Variants in PRMT3 observed in about 807,000 individuals in gnomAD.
The protein encoded by PRMT3 is protein arginine N-methyltransferase 3.
In PRMT3, 62 loss-of-function variants were observed where a neutral mutation model predicts 71.9. The ratio of observed to expected loss-of-function variants is 0.86; its 90% CI spans 0.70 to 1.07. The LOEUF (loss-of-function observed/expected upper bound fraction) is 1.07, where lower values mean the gene tolerates loss of function less well. Ranked by LOEUF, PRMT3 falls within the 50% of genes least tolerant of loss-of-function variation. The pLI, the probability that PRMT3 is intolerant of heterozygous loss-of-function variation, is 0.00. For synonymous variants in PRMT3, 213 were observed against 220.4 expected, an observed-to-expected ratio of 0.97 and a Z score of 0.30; for missense variants, 663 against 643.0, an observed-to-expected ratio of 1.03 and a Z score of -0.34.
In PRMT3 at chr11:20,392,208, T is replaced by A; in HGVS notation, c.248-3T>A. ...TAGGTGAATTATCTTTTTCCCCCTT[T>A]AGGACTTGAATTTTATGGATACATT... is the stretch of plus-strand genomic sequence containing the variant. On this transcript the variant is annotated splice_region_variant and splice_polypyrimidine_tract_variant and intron_variant, in intron 3 of 15. Transcript: ENST00000331079. 1 of 1,573,120 alleles carries A rather than the reference T, an allele frequency of 6.4e-7. No homozygotes were observed. Among genetic ancestry groups the A allele is most frequent in the Non-Finnish European group, 8.7e-7 (1 of 1,152,298 alleles).
intron 10 of PRMT3, among the ~76,000 whole-genome samples, chr11:20,447,677 A>G (rs1433204452): frequency 1.3e-5 from 2 of 152,062 alleles, no homozygotes; most frequent in African/African-American, 4.8e-5. Flanking sequence ...GATGTTCTGC[A>G]TTCTTTTTAC....
At chr11:20,462,413 C>T (rs940321286) in intron 12 of PRMT3, among the ~76,000 whole-genome samples, 3 of 152,056 alleles carry the variant, frequency 2.0e-5, no homozygotes, top group East Asian at 1.9e-4. Flanking sequence ...AACTCTGAAC[C>T]GGTTGAATAA....
intron 10 of PRMT3, among the ~76,000 whole-genome samples, chr11:20,440,831 C>G (rs1849877400): frequency 6.6e-6 from 1 of 152,102 alleles, no homozygotes. Flanking sequence ...ATGTGGTTTG[C>G]AAATATTTTC....
chr11:20,402,788 A>G, intron 7 of PRMT3, 131 bp from the exon 8 acceptor site: 1 of 570,258 alleles, frequency 1.8e-6, no homozygotes, highest in Non-Finnish European at 3.1e-6. Flanking sequence ...GAAAAAAATA[A>G]GCTTGGTATC....
chr11:20,495,694 T>C (rs558761757), intron 15 of PRMT3, among the ~76,000 whole-genome samples: 1 of 152,306 alleles, frequency 6.6e-6, no homozygotes, highest in East Asian at 1.9e-4. Flanking sequence ...TACCTATATA[T>C]TTCACTCTAA....
intron 3 of PRMT3, 55 bp from the exon 4 acceptor site, chr11:20,392,152 GGTCA>G: frequency 6.7e-7 from 1 of 1,495,882 alleles, no homozygotes; most frequent in Non-Finnish European, 9.1e-7. Flanking sequence ...TTATAGAATA[GGTCA>G]GTTAAACAAA....
At chr11:20,425,190 T>C (rs1038035704) in intron 9 of PRMT3, among the ~76,000 whole-genome samples, 9 of 151,978 alleles carry the variant, frequency 5.9e-5, no homozygotes, top group Admixed American at 2.0e-4. Flanking sequence ...CATGGGAATA[T>C]GGCAAGCAAG....
intron 11 of PRMT3, among the ~76,000 whole-genome samples, chr11:20,461,167 A>C (rs1018652654): frequency 6.6e-6 from 1 of 152,160 alleles, no homozygotes; most frequent in Non-Finnish European, 1.5e-5. Flanking sequence ...ATTAGATTGT[A>C]TATGGGCCAT....
chr11:20,407,770 T>G, intron 8 of PRMT3, 141 bp from the exon 9 acceptor site: 14 of 767,578 alleles, frequency 1.8e-5, no homozygotes, highest in Non-Finnish European at 2.7e-5. Flanking sequence ...ATTACAGGCG[T>G]GAGCCACCGC....
chr11:20,389,062 T>C (rs1388086193), intron 2 of PRMT3, among the ~76,000 whole-genome samples: 1 of 152,192 alleles, frequency 6.6e-6, no homozygotes, highest in Non-Finnish European at 1.5e-5. Flanking sequence ...TGTGATAGCC[T>C]CCATAAATAG....
intron 10 of PRMT3, among the ~76,000 whole-genome samples, chr11:20,451,748 G>C (rs1237264683): frequency 6.6e-6 from 1 of 152,008 alleles, no homozygotes; most frequent in African/African-American, 2.4e-5. Context: ...ATTGCCACGT[G>C]TTCCCCAGCA....
intron 12 of PRMT3, 58 bp downstream of exon 12, chr11:20,462,225 C>A: frequency 7.5e-7 from 1 of 1,341,298 alleles, no homozygotes; most frequent in Non-Finnish European, 1.0e-6. Flanking sequence ...CTTAGTTCAG[C>A]ATTTGAAAAT....
intron 9 of PRMT3, among the ~76,000 whole-genome samples, chr11:20,410,498 A>G (rs1180774705): frequency 3.9e-5 from 1 of 25,476 alleles, no homozygotes; most frequent in East Asian, 4.0e-4. Context: ...TTTCAAAATA[A>G]ATAGGTAGTT....
chr11:20,502,066 T>G (rs1163849826), intron 15 of PRMT3, among the ~76,000 whole-genome samples: 1 of 152,212 alleles, frequency 6.6e-6, no homozygotes, highest in Non-Finnish European at 1.5e-5. Flanking sequence ...CTGTAACAAT[T>G]AAAATGAAGT....
intron 3 of PRMT3, 37 bp from the exon 4 acceptor site, chr11:20,392,174 A>T (rs1366786387): frequency 6.5e-7 from 1 of 1,546,732 alleles, no homozygotes. Flanking sequence ...AAAACTCATT[A>T]TGTTAACATA....
At chr11:20,496,672 G>GT (rs1011038092) in intron 15 of PRMT3, among the ~76,000 whole-genome samples, 34 of 152,126 alleles carry the variant, frequency 2.2e-4, no homozygotes, top group African/African-American at 7.9e-4. Flanking sequence ...GGAAAACTTT[G>GT]TAAAAAATTG....
At chr11:20,407,722 C>T in intron 8 of PRMT3, 189 bp from the exon 9 acceptor site, 1 of 465,830 alleles carries the variant, frequency 2.1e-6, no homozygotes, top group Non-Finnish European at 3.8e-6. Flanking sequence ...GGCATGGTGA[C>T]TCCTGCCTGT....
In PRMT3 at chr11:20,462,108, G is replaced by A; in HGVS notation, c.1201G>A (p.Glu401Lys). 1 of 1,613,106 alleles carries A rather than the reference G, an allele frequency of 6.2e-7. No homozygotes were observed. Among genetic ancestry groups the A allele is most frequent in the Non-Finnish European group, 8.5e-7 (1 of 1,179,354 alleles). ...MSCMKKAVIP[E>K]AVVEVLDPKT... ...CTGCATGAAGAAAGCAGTTATTCCA[G>A]AAGCTGTTGTGGAAGTTTTAGATCC... is the stretch of plus-strand genomic sequence containing the variant. The change falls in exon 12 of 16, where the codon GAA becomes AAA. Residue 401 changes from glutamate (E) to lysine (K), a missense_variant. By Grantham distance (56) the Glu-to-Lys change is moderately conservative. Transcript: ENST00000331079.
At chr11:20,503,285 C>G (rs1027398614) in intron 15 of PRMT3, among the ~76,000 whole-genome samples, 3 of 152,180 alleles carry the variant, frequency 2.0e-5, no homozygotes, top group South Asian at 2.1e-4. Context: ...TTAAAATGCT[C>G]CACTTACTAT....
Sources: allele counts gnomAD v4.1 joint callset (sites outside exome capture counted in the v4.1 genomes callset), GRCh38; gene constraint gnomAD v4.1.1; transcripts MANE v1.5; gene names NCBI Gene and HGNC (gene_info 2026-07-23, HGNC 2026-07-21).